C1orf185: variants seen among roughly 807,000 people sequenced by gnomAD.
C1orf185 encodes the protein uncharacterized protein C1orf185.
A neutral mutation model predicts 16.1 loss-of-function variants in C1orf185; 13 were observed. The observed-to-expected ratio is 0.81, with a 90% CI of 0.53 to 1.28. The LOEUF is 1.28. Ranked by LOEUF, C1orf185 falls within the 50% of genes most tolerant of loss-of-function variation. The pLI is 0.00. For synonymous variants in C1orf185, 80 were observed against 76.9 expected, an observed-to-expected ratio of 1.04 and a Z score of -0.21; for missense variants, 220 against 225.2, an observed-to-expected ratio of 0.98 and a Z score of 0.15.
intron 3 of C1orf185, among the ~76,000 whole-genome samples, chr1:51,142,968 T>C (rs1005097641): frequency 2.0e-5 from 3 of 152,096 alleles, no homozygotes; most frequent in African/African-American, 7.2e-5. Context: ...TTCACCATGT[T>C]GGCCAGGCTG....
intron 1 of C1orf185, among the ~76,000 whole-genome samples, chr1:51,104,002 C>T (rs540682505): frequency 6.6e-6 from 1 of 152,294 alleles, no homozygotes; most frequent in Admixed American, 6.5e-5. Context: ...TCAAAGCAGA[C>T]ACCAACTATA....
chr1:51,106,906 C>T (rs1052127182), intron 1 of C1orf185, among the ~76,000 whole-genome samples: 7 of 151,866 alleles, frequency 4.6e-5, no homozygotes, highest in Non-Finnish European at 7.4e-5. Context: ...TACAGGCACA[C>T]GCCACCATGC....
chr1:51,127,554 G>A (rs938246698), intron 3 of C1orf185, among the ~76,000 whole-genome samples: 15 of 152,238 alleles, frequency 9.9e-5, no homozygotes, highest in African/African-American at 3.6e-4. Context: ...CCAAAGTGCT[G>A]GGGTTACAGG....
intron 3 of C1orf185, among the ~76,000 whole-genome samples, chr1:51,144,925 A>T (rs536157684): frequency 6.6e-6 from 1 of 151,896 alleles, no homozygotes; most frequent in Admixed American, 6.6e-5. Flanking sequence ...TCTAAGAAAA[A>T]CCTGAATTTG....
At chr1:51,119,330 A>C (rs958008718) in intron 3 of C1orf185, among the ~76,000 whole-genome samples, 3 of 152,242 alleles carry the variant, frequency 2.0e-5, no homozygotes, top group Non-Finnish European at 4.4e-5. Context: ...CGTCAACACA[A>C]TGCTAAATGA....
chr1:51,124,662 G>C (rs956673258), intron 3 of C1orf185, among the ~76,000 whole-genome samples: 4 of 152,186 alleles, frequency 2.6e-5, no homozygotes, highest in Non-Finnish European at 2.9e-5. Flanking sequence ...TGGAGGAATG[G>C]ATTACTTAGA....
At chr1:51,149,332 C>G (rs1262843474), downstream of C1orf185, among the ~76,000 whole-genome samples, 5 of 152,056 alleles carry the variant, frequency 3.3e-5, no homozygotes, top group African/African-American at 1.2e-4. Flanking sequence ...ATAGCATTAC[C>G]CAGGCCTATC....
At chr1:51,123,431 G>T (rs759999135) in intron 3 of C1orf185, among the ~76,000 whole-genome samples, 12 of 152,154 alleles carry the variant, frequency 7.9e-5, no homozygotes, top group East Asian at 1.9e-4. Context: ...GGACATTTTG[G>T]TTTTTTCCAA....
intron 1 of C1orf185, chr1:51,102,469 C>A: frequency 3.0e-6 from 1 of 338,306 alleles, no homozygotes; most frequent in Non-Finnish European, 5.4e-6. Flanking sequence ...GGATACTGTT[C>A]ATATATGTTT....
At chr1:51,120,670 T>C (rs1355790339) in intron 3 of C1orf185, among the ~76,000 whole-genome samples, 1 of 152,232 alleles carries the variant, frequency 6.6e-6, no homozygotes, top group Non-Finnish European at 1.5e-5. Flanking sequence ...ATTTATTCAG[T>C]ACCCATCACG....
chr1:51,134,114 A>G, intron 3 of C1orf185, among the ~76,000 whole-genome samples: 1 of 152,200 alleles, frequency 6.6e-6, no homozygotes, highest in Non-Finnish European at 1.5e-5. Context: ...AGCAAATGCA[A>G]AAGAACAGAA....
chr1:51,138,930 C>T (rs573434460), intron 3 of C1orf185, among the ~76,000 whole-genome samples: 219 of 152,110 alleles, frequency 1.4e-3, no homozygotes, highest in African/African-American at 5.0e-3. Flanking sequence ...TCAAGTGGTC[C>T]GCCTGTTTCA....
intron 3 of C1orf185, among the ~76,000 whole-genome samples, chr1:51,127,019 T>A (rs1009805895): frequency 6.6e-6 from 1 of 152,216 alleles, no homozygotes; most frequent in Admixed American, 6.5e-5. Flanking sequence ...GGGTTATGTA[T>A]TTTGGGGAAG....
intron 1 of C1orf185, among the ~76,000 whole-genome samples, chr1:51,108,139 T>C (rs11205816): frequency 0.084 from 12,724 of 152,234 alleles, 1,635 homozygotes; most frequent in African/African-American, 0.27. Context: ...ACTCTGCCTC[T>C]TTGCCAGTAC....
chr1:51,110,271 T>C (rs952142046), intron 1 of C1orf185, among the ~76,000 whole-genome samples: 1 of 152,202 alleles, frequency 6.6e-6, no homozygotes, highest in South Asian at 2.1e-4. Flanking sequence ...GCCTGGCATA[T>C]AGTATTTGCA....
At chr1:51,133,482 G>A (rs1646300630) in intron 3 of C1orf185, among the ~76,000 whole-genome samples, 1 of 152,194 alleles carries the variant, frequency 6.6e-6, no homozygotes, top group African/African-American at 2.4e-5. Flanking sequence ...ATAGTAAAGA[G>A]TTCAATTTAA....
chr1:51,122,001 A>T (rs1251060475), intron 3 of C1orf185, among the ~76,000 whole-genome samples: 2 of 152,148 alleles, frequency 1.3e-5, no homozygotes, highest in African/African-American at 2.4e-5. Flanking sequence ...ATAGAATAAT[A>T]TATTATTAAA....
intron 3 of C1orf185, among the ~76,000 whole-genome samples, chr1:51,121,647 C>G (rs1174357073): frequency 6.6e-6 from 1 of 152,074 alleles, no homozygotes; most frequent in Non-Finnish European, 1.5e-5. Context: ...TCTTCCTCTT[C>G]TACTACAGGC....
At chr1:51,105,717 T>C (rs1189089704) in intron 1 of C1orf185, among the ~76,000 whole-genome samples, 1 of 152,068 alleles carries the variant, frequency 6.6e-6, no homozygotes, top group East Asian at 1.9e-4. Flanking sequence ...CTATTGAAAG[T>C]GGGGAGTTAC....
Sources: allele counts gnomAD v4.1 joint callset (sites outside exome capture counted in the v4.1 genomes callset), GRCh38; gene constraint gnomAD v4.1.1; transcripts MANE v1.5; gene names NCBI Gene and HGNC (gene_info 2026-07-23, HGNC 2026-07-21).